Variants in DMXL2 observed in about 807,000 individuals in gnomAD.
The protein encoded by DMXL2 is dmX-like protein 2.
Under a neutral mutation model 331.1 loss-of-function variants are expected in DMXL2, and 103 were observed. The observed-to-expected ratio is 0.31, with a 90% CI of 0.27 to 0.37. The LOEUF is 0.37. Among genes scored for constraint, DMXL2 ranks in the 10% least tolerant of loss-of-function variants. DMXL2 has a pLI of 1.00. For missense variants in DMXL2, 3,171 were observed against 3,642.9 expected (o/e 0.87, Z 3.33); for synonymous variants, 1,281 against 1,252.1 (o/e 1.02, Z -0.49).
At chr15:51,459,875 C>T in intron 33 of DMXL2, 1 of 1,140,798 alleles carries the variant, frequency 8.8e-7, no homozygotes, top group East Asian at 6.0e-5. Flanking sequence ...ATTACATAAA[C>T]ACAAGAACAT....
At chr15:51,570,897 C>G (rs1484122437) in intron 2 of DMXL2, among the ~76,000 whole-genome samples, 2 of 152,148 alleles carry the variant, frequency 1.3e-5, no homozygotes, top group Non-Finnish European at 2.9e-5. Context: ...AAATAACCAG[C>G]TAGCATCATA....
chr15:51,501,811 T>A (rs2043631142), intron 17 of DMXL2, among the ~76,000 whole-genome samples: 1 of 149,148 alleles, frequency 6.7e-6, no homozygotes, highest in African/African-American at 2.5e-5. Flanking sequence ...TCCCAGCTAC[T>A]CGGGAGGCTA....
At chr15:51,486,820 G>A (rs2042428165) in intron 22 of DMXL2, among the ~76,000 whole-genome samples, 1 of 151,912 alleles carries the variant, frequency 6.6e-6, no homozygotes, top group African/African-American at 2.4e-5. Flanking sequence ...GAGCATTTGA[G>A]GTCATTTAGG....
At chr15:51,524,385 C>A (rs1466254750) in intron 13 of DMXL2, among the ~76,000 whole-genome samples, 2 of 152,142 alleles carry the variant, frequency 1.3e-5, no homozygotes, top group African/African-American at 2.4e-5. Context: ...AATCGTCCCC[C>A]AAGCAAGAAC....
At chr15:51,487,929 A>G in intron 22 of DMXL2, 25 bp downstream of exon 22, 1 of 1,570,774 alleles carries the variant, frequency 6.4e-7, no homozygotes, top group Non-Finnish European at 8.6e-7. Flanking sequence ...TACAAGTATT[A>G]TATAGTGTGT....
At chr15:51,591,084 T>C (rs1337355626) in intron 1 of DMXL2, among the ~76,000 whole-genome samples, 10 of 152,118 alleles carry the variant, frequency 6.6e-5, no homozygotes, top group African/African-American at 2.4e-4. Flanking sequence ...GGAAAGTGGA[T>C]GCAGGACAGT....
In DMXL2 at chr15:51,480,797, G is replaced by A; in HGVS notation, c.6309C>T (p.Ser2103=). 6.2e-7 allele frequency: 1 copy of A among 1,607,850 alleles called. No individual in the cohort carries two copies. Among genetic ancestry groups the A allele is most frequent in the Non-Finnish European group, 8.5e-7 (1 of 1,176,724 alleles). Residue 2103 remains serine, a synonymous_variant, in exon 24 of 44, where the codon TCC becomes TCT. Transcript: ENST00000560891. ...GATCCAGCAGATCACTCTCTACTTT[G>A]GAATATGTCTTACTGGAATACTCTT... ...VIKEYSSKTY[S]KVESDLLDQE...
At chr15:51,573,759 G>A (rs997890693) in intron 2 of DMXL2, among the ~76,000 whole-genome samples, 17 of 152,020 alleles carry the variant, frequency 1.1e-4, no homozygotes, top group African/African-American at 3.6e-4. Flanking sequence ...GGGTTGATGG[G>A]TGCAGCAAAC....
At chr15:51,452,937 G>A (rs1347679391) in intron 41 of DMXL2, among the ~76,000 whole-genome samples, 1 of 152,168 alleles carries the variant, frequency 6.6e-6, no homozygotes, top group Non-Finnish European at 1.5e-5. Flanking sequence ...ACATTTTGCA[G>A]CAACCCAGAT....
intron 6 of DMXL2, among the ~76,000 whole-genome samples, chr15:51,562,095 A>G (rs146201372): frequency 1.3e-5 from 2 of 152,210 alleles, no homozygotes; most frequent in African/African-American, 2.4e-5. Context: ...TATATTGTAC[A>G]TTTCAATTAA....
At position 51,597,657 on chromosome 15, in the gene DMXL2, A is replaced by G. The variant is rs370951402; in HGVS notation, c.88-21476T>C. Among the ~76,000 whole-genome samples, 47 of 152,328 alleles carry G rather than the reference A, an allele frequency of 3.1e-4. No homozygotes were observed. In the South Asian group the frequency reaches 8.9e-3, roughly 29 times the overall value. Reference sequence around the variant, plus strand: ...TGCATTTCTCTAGAATATACACACAAAAGAGGAACTGATGGATCACAGGTT... The same window carrying G: ...TGCATTTCTCTAGAATATACACACAGAAGAGGAACTGATGGATCACAGGTT... On this transcript the variant is annotated intron_variant, in intron 1 of 43. Coordinates refer to ENST00000560891, the MANE Select transcript of DMXL2 (RefSeq NM_001378457.1).
At chr15:51,480,505 G>T in intron 24 of DMXL2, 37 bp downstream of exon 24, 1 of 1,476,040 alleles carries the variant, frequency 6.8e-7, no homozygotes, top group Non-Finnish European at 9.0e-7. Context: ...TGAAATTACT[G>T]AAATAACCAA....
intron 18 of DMXL2, among the ~76,000 whole-genome samples, chr15:51,497,270 G>T (rs1023786811): frequency 1.3e-5 from 2 of 152,142 alleles, no homozygotes; most frequent in Non-Finnish European, 2.9e-5. Flanking sequence ...ATACTATAAG[G>T]ATGTAAATCT....
At chr15:51,537,903 TGAA>T in intron 10 of DMXL2, 144 bp from the exon 11 acceptor site, 2 of 1,030,754 alleles carry the variant, frequency 1.9e-6, no homozygotes, top group Non-Finnish European at 2.7e-6. Flanking sequence ...AACTTTTGTC[TGAA>T]TTGAATGTTA....
At chr15:51,528,448 C>T (rs1364211048) in intron 13 of DMXL2, among the ~76,000 whole-genome samples, 1 of 152,052 alleles carries the variant, frequency 6.6e-6, no homozygotes, top group Non-Finnish European at 1.5e-5. Flanking sequence ...GACAGATATA[C>T]TGATATCAGT....
intron 14 of DMXL2, among the ~76,000 whole-genome samples, chr15:51,516,292 G>A (rs2047031863): frequency 1.3e-5 from 2 of 152,206 alleles, no homozygotes; most frequent in South Asian, 2.1e-4. Context: ...CCTCTAGGGA[G>A]AAGGGTTCTC....
At position 51,479,964 on chromosome 15, in the gene DMXL2, C is replaced by T. The variant is rs774634164; in HGVS notation, c.6740G>A (p.Ser2247Asn). 3 of 1,513,778 alleles carry T rather than the reference C, an allele frequency of 2.0e-6. No individual in the cohort carries two copies. The allele number at this position is 1,513,778 out of a possible 1,614,324, so 93.8% of individuals were successfully genotyped here. A position where few individuals can be genotyped will look rare whatever the true frequency, so the allele number is the denominator to read the frequency against. Reference sequence around the variant, plus strand: ...TTACATTACCTTCACATCTTCAATACTGGGATGAGGTGGTGTTTTCATCTG... The same window carrying T: ...TTACATTACCTTCACATCTTCAATATTGGGATGAGGTGGTGTTTTCATCTG... ...IVQMKTPPHP[S>N]IEDVKVHTLH... Residue 2247 changes from serine to asparagine, a missense_variant, in exon 25 of 44, where the codon AGT becomes AAT. Physicochemically the swap from Ser to Asn is conservative, Grantham distance 46. Transcript: ENST00000560891.
At chr15:51,569,755 A>G (rs776886498) in intron 2 of DMXL2, among the ~76,000 whole-genome samples, 1 of 152,214 alleles carries the variant, frequency 6.6e-6, no homozygotes, top group Non-Finnish European at 1.5e-5. Flanking sequence ...GTTAGAAAGA[A>G]AACTAACAAA....
intron 23 of DMXL2, among the ~76,000 whole-genome samples, chr15:51,483,288 T>C (rs1006508582): frequency 1.3e-5 from 2 of 152,172 alleles, no homozygotes; most frequent in African/African-American, 2.4e-5. Context: ...CAGTCACCTC[T>C]GGCATGCGCA....
Sources: gnomAD v4.1 joint callset for allele counts (sites outside exome capture counted in the v4.1 genomes callset) on GRCh38, gnomAD v4.1.1 for gene constraint, MANE v1.5 for transcripts, NCBI Gene and HGNC (gene_info 2026-07-23, HGNC 2026-07-21) for gene names.